Variants in DLG2 observed in about 807,000 individuals in gnomAD.
The protein encoded by DLG2 is discs large MAGUK scaffold protein 2.
Under a neutral mutation model 132.5 loss-of-function variants are expected in DLG2, and 45 were observed. The observed-to-expected ratio is 0.34, with a 90% confidence interval of 0.27 to 0.44. The LOEUF (loss-of-function observed/expected upper bound fraction) is 0.44. Ranked by LOEUF, DLG2 falls within the 20% of genes least tolerant of loss-of-function variation. The pLI is 1.00. For missense variants in DLG2, 1,045 were observed against 1,196.9 expected (o/e 0.87, Z 1.87); for synonymous variants, 424 against 419.6 (o/e 1.01, Z -0.13).
At chr11:85,617,956 CTACTTTAT>C (rs888834609) in intron 2 of DLG2, among the ~76,000 whole-genome samples, 3 of 152,162 alleles carry the variant, frequency 2.0e-5, no homozygotes, top group Non-Finnish European at 2.9e-5. Context: ...ACAGGATTTT[CTACTTTAT>C]TATACTATAC....
At chr11:85,571,291 T>C (rs997069119) in intron 3 of DLG2, among the ~76,000 whole-genome samples, 1 of 152,196 alleles carries the variant, frequency 6.6e-6, no homozygotes, top group Admixed American at 6.6e-5. Context: ...GTTGTTTTTG[T>C]GTATTTGTTT....
chr11:83,936,190 G>A (rs1345813582), intron 14 of DLG2, among the ~76,000 whole-genome samples: 1 of 152,222 alleles, frequency 6.6e-6, no homozygotes, highest in African/African-American at 2.4e-5. Flanking sequence ...CTCTACAAGA[G>A]GGTTGAACCA....
intron 6 of DLG2, among the ~76,000 whole-genome samples, chr11:84,851,656 T>A (rs1192363122): frequency 1.3e-5 from 2 of 152,056 alleles, no homozygotes; most frequent in Non-Finnish European, 2.9e-5. Context: ...ATGGAGGGTG[T>A]AGTCTTTCTG....
intron 21 of DLG2, among the ~76,000 whole-genome samples, chr11:83,484,892 G>T (rs186673707): frequency 3.0e-4 from 46 of 152,194 alleles, no homozygotes; most frequent in African/African-American, 1.0e-3. Flanking sequence ...ATTCAAAAGA[G>T]ATTTTTAACA....
intron 9 of DLG2, among the ~76,000 whole-genome samples, chr11:84,137,962 G>C (rs1217396809): frequency 6.6e-6 from 1 of 152,128 alleles, no homozygotes; most frequent in Non-Finnish European, 1.5e-5. Context: ...CTTGTTAGCT[G>C]TTCAAATGCC....
intron 14 of DLG2, among the ~76,000 whole-genome samples, chr11:83,937,089 T>G (rs1246448701): frequency 6.6e-6 from 1 of 152,076 alleles, no homozygotes; most frequent in East Asian, 1.9e-4. Context: ...TTAATTGAAC[T>G]CATAGGATAA....
chr11:85,552,046 C>A (rs1230756537), intron 3 of DLG2, among the ~76,000 whole-genome samples: 1 of 146,132 alleles, frequency 6.8e-6, no homozygotes, highest in Admixed American at 6.8e-5. Flanking sequence ...AAATAAAACT[C>A]CTTTCACTGG....
At chr11:83,577,267 C>T (rs984656183) in intron 19 of DLG2, among the ~76,000 whole-genome samples, 1 of 150,928 alleles carries the variant, frequency 6.6e-6, no homozygotes, top group East Asian at 1.9e-4. Context: ...TATTGTGGGA[C>T]CTTGTGATAG....
At chr11:84,629,124 CTG>C (rs1381013402) in intron 6 of DLG2, among the ~76,000 whole-genome samples, 6 of 152,170 alleles carry the variant, frequency 3.9e-5, no homozygotes, top group African/African-American at 1.4e-4. Context: ...CACTTTTGCT[CTG>C]TCTTTGTCTC....
chr11:84,759,309 A>G (rs1302293843), intron 6 of DLG2, among the ~76,000 whole-genome samples: 1 of 152,220 alleles, frequency 6.6e-6, no homozygotes, highest in Non-Finnish European at 1.5e-5. Context: ...GAAGAAAGAT[A>G]TGGAATAACT....
chr11:83,985,209 G>A (rs1014854404), intron 11 of DLG2, among the ~76,000 whole-genome samples: 3 of 152,020 alleles, frequency 2.0e-5, no homozygotes, highest in Non-Finnish European at 2.9e-5. Context: ...GACTGGCTAA[G>A]GCATGCCATG....
chr11:83,521,845 G>A (rs74357210), intron 21 of DLG2, among the ~76,000 whole-genome samples: 1,928 of 152,006 alleles, frequency 0.013, 34 homozygotes, highest in African/African-American at 0.044. Context: ...CCTTCCCTAG[G>A]TGTCTCCCTA....
intron 2 of DLG2, among the ~76,000 whole-genome samples, chr11:85,608,951 T>C (rs1053456090): frequency 1.3e-5 from 2 of 152,146 alleles, no homozygotes; most frequent in African/African-American, 4.8e-5. Flanking sequence ...CTCAGTCAAG[T>C]AAATGATAGA....
At chr11:83,894,316 A>G (rs897854152) in intron 15 of DLG2, among the ~76,000 whole-genome samples, 1 of 152,216 alleles carries the variant, frequency 6.6e-6, no homozygotes, top group South Asian at 2.1e-4. Flanking sequence ...ATAGTGATCA[A>G]TTAACCAAAA....
intron 7 of DLG2, among the ~76,000 whole-genome samples, chr11:84,280,941 T>A (rs978951734): frequency 6.8e-6 from 1 of 147,956 alleles, no homozygotes; most frequent in East Asian, 2.0e-4. Context: ...CAGGATGGTC[T>A]CGATTTCCTG....
chr11:83,565,104 TGATAA>T (rs2096682328), intron 19 of DLG2, among the ~76,000 whole-genome samples: 1 of 152,204 alleles, frequency 6.6e-6, no homozygotes, highest in South Asian at 2.1e-4. Context: ...CAATCCCTCA[TGATAA>T]GATAATTGTA....
intron 6 of DLG2, among the ~76,000 whole-genome samples, chr11:85,060,157 C>T (rs1013142450): frequency 6.6e-6 from 1 of 151,312 alleles, no homozygotes. Flanking sequence ...GTGAGTTTGG[C>T]GACTTTAGAC....
intron 3 of DLG2, among the ~76,000 whole-genome samples, chr11:85,396,666 G>A (rs1166713650): frequency 6.6e-6 from 1 of 152,184 alleles, no homozygotes; most frequent in Non-Finnish European, 1.5e-5. Flanking sequence ...TCAAGTGGAA[G>A]AAAGGATATC....
intron 16 of DLG2, among the ~76,000 whole-genome samples, chr11:83,873,506 C>G (rs2063887930): frequency 6.6e-6 from 1 of 152,142 alleles, no homozygotes; most frequent in Admixed American, 6.5e-5. Flanking sequence ...CTCTTTCTTG[C>G]TGCCATGTAA....
Sources: gnomAD v4.1 joint callset for allele counts (sites outside exome capture counted in the v4.1 genomes callset) on GRCh38, gnomAD v4.1.1 for gene constraint, MANE v1.5 for transcripts, NCBI Gene and HGNC (gene_info 2026-07-23, HGNC 2026-07-21) for gene names.